WDFY3: variants seen among roughly 807,000 people sequenced by gnomAD.
WDFY3 encodes the protein WD repeat and FYVE domain-containing protein 3.
A neutral mutation model predicts 409.6 loss-of-function variants in WDFY3; 66 were observed. That is an observed-to-expected ratio of 0.16 (90% CI 0.13 to 0.20). The LOEUF (loss-of-function observed/expected upper bound fraction) is 0.20. Ranked by LOEUF, WDFY3 falls within the 10% of genes least tolerant of loss-of-function variation. The probability of loss-of-function intolerance (pLI) is 1.00; values close to 1 mark genes in which losing one functional copy is unlikely to be tolerated. For synonymous variants in WDFY3, 1,521 were observed against 1,537.1 expected, an observed-to-expected ratio of 0.99 and a Z score of 0.25; for missense variants, 3,031 against 4,298.1, an observed-to-expected ratio of 0.71 and a Z score of 8.24.
At chr4:84,851,838 A>C (rs1375507543) in intron 4 of WDFY3, among the ~76,000 whole-genome samples, 1 of 152,208 alleles carries the variant, frequency 6.6e-6, no homozygotes, top group African/African-American at 2.4e-5. Context: ...CAAAGCCCGT[A>C]AACACTGTAT....
chr4:84,756,914 G>C lies in WDFY3; in HGVS notation c.5424+12C>G. On this transcript the variant is annotated intron_variant, in intron 33 of 67. Coordinates refer to ENST00000295888, the MANE Select transcript of WDFY3 (RefSeq NM_014991.6). ...ACGTAATTTCACGCACCCCTTGCTA[G>C]ATAATTCCTACCTGGCAACCCTGCT... The C allele has an allele frequency of 6.2e-7, 1 of 1,612,088 alleles. No homozygotes were observed. The highest frequency in any genetic ancestry group is 8.5e-7 in the Non-Finnish European group (1 of 1,178,476).
At chr4:84,733,688 A>T in intron 43 of WDFY3, 79 bp from the exon 44 acceptor site, 1 of 1,355,192 alleles carries the variant, frequency 7.4e-7, no homozygotes, top group African/African-American at 1.5e-5. Context: ...CTGAAAATCA[A>T]GTTATTATTT....
chr4:84,885,747 G>A (rs1006978876), intron 3 of WDFY3, among the ~76,000 whole-genome samples: 4 of 152,190 alleles, frequency 2.6e-5, no homozygotes, highest in South Asian at 2.1e-4. Context: ...GCAACAATCA[G>A]AAAGCTGGAA....
At position 84,698,699 on chromosome 4, in the gene WDFY3, C is replaced by T. The variant is rs567100015; in HGVS notation, c.8597-1876G>A. On this transcript the variant is annotated intron_variant, in intron 56 of 67. Transcript: ENST00000295888. Reference sequence around the variant, plus strand: ...AAATCCAAGTGCTTTTTCTTTCTTTCTTTTTTTCTTTTGAGACAGAGTCTT... The same window carrying T: ...AAATCCAAGTGCTTTTTCTTTCTTTTTTTTTTTCTTTTGAGACAGAGTCTT... Among the ~76,000 whole-genome samples the T allele has an allele frequency of 1.1e-4, 16 of 151,802 alleles. No individual in the cohort carries two copies. The East Asian group carries it at 2.9e-3, about 28-fold the overall frequency.
At chr4:84,736,659 C>T (rs1279195684) in intron 41 of WDFY3, among the ~76,000 whole-genome samples, 1 of 151,926 alleles carries the variant, frequency 6.6e-6, no homozygotes, top group Non-Finnish European at 1.5e-5. Flanking sequence ...AACTTAGAAA[C>T]TATTTGGATT....
At chr4:84,782,589 CGT>C in intron 25 of WDFY3, among the ~76,000 whole-genome samples, 1 of 152,214 alleles carries the variant, frequency 6.6e-6, no homozygotes, top group East Asian at 1.9e-4. Context: ...TCCCTGTGTC[CGT>C]ATGTTCTCAT....
At chr4:84,735,596 C>T (rs1218218549) in intron 42 of WDFY3, among the ~76,000 whole-genome samples, 5 of 152,186 alleles carry the variant, frequency 3.3e-5, no homozygotes, top group Non-Finnish European at 4.4e-5. Flanking sequence ...GTATTGATCC[C>T]AAGGGCACCC....
At chr4:84,765,625 C>T (rs1028341295) in intron 32 of WDFY3, among the ~76,000 whole-genome samples, 185 bp downstream of exon 32, 8 of 152,146 alleles carry the variant, frequency 5.3e-5, no homozygotes, top group Non-Finnish European at 1.0e-4. Context: ...TTATCTCTGT[C>T]TTCAGTTTGA....
At chr4:84,964,385 C>T (rs1775337054) in intron 1 of WDFY3, among the ~76,000 whole-genome samples, 1 of 152,220 alleles carries the variant, frequency 6.6e-6, no homozygotes, top group Admixed American at 6.5e-5. Context: ...AGAAGGATCA[C>T]TCGGGCCCAG....
intron 36 of WDFY3, among the ~76,000 whole-genome samples, chr4:84,748,786 T>A (rs1387252284): frequency 6.6e-6 from 1 of 152,190 alleles, no homozygotes; most frequent in Non-Finnish European, 1.5e-5. Context: ...CTAACACTCA[T>A]AGGACTGAAG....
intron 13 of WDFY3, among the ~76,000 whole-genome samples, chr4:84,812,757 G>A (rs756549610): frequency 6.6e-6 from 1 of 152,100 alleles, no homozygotes; most frequent in Non-Finnish European, 1.5e-5. Flanking sequence ...TTTATATTAT[G>A]TACTTCTGGA....
intron 44 of WDFY3, among the ~76,000 whole-genome samples, chr4:84,727,620 C>T (rs1019685616): frequency 6.6e-6 from 1 of 152,204 alleles, no homozygotes; most frequent in Admixed American, 6.5e-5. Context: ...TGAGCTGTAG[C>T]ATGTGGCTTC....
chr4:84,696,616 G>A (rs1317182128), intron 57 of WDFY3, 116 bp downstream of exon 57: 1 of 992,814 alleles, frequency 1.0e-6, no homozygotes, highest in African/African-American at 1.6e-5. Flanking sequence ...TGTAGATAAG[G>A]GGACCTGGCT....
At chr4:84,803,159 T>C in intron 16 of WDFY3, 131 bp downstream of exon 16, 2 of 1,050,526 alleles carry the variant, frequency 1.9e-6, no homozygotes, top group East Asian at 5.9e-5. Flanking sequence ...AAAAATCCTT[T>C]TTTTTCCCCT....
chr4:84,709,255 C>G, intron 52 of WDFY3, 38 bp downstream of exon 52: 1 of 1,571,406 alleles, frequency 6.4e-7, no homozygotes, highest in Non-Finnish European at 8.6e-7. Flanking sequence ...ACTCTAATTA[C>G]GAACTTCTAA....
At chr4:84,784,887 TATATAC>T (rs1435722846) in intron 24 of WDFY3, among the ~76,000 whole-genome samples, 12,957 of 61,150 alleles carry the variant, frequency 0.21, 604 homozygotes, top group Non-Finnish European at 0.27. Flanking sequence ...TATATATATA[TATATAC>T]ACACACACAC....
At chr4:84,867,295 A>G (rs1261312143) in intron 3 of WDFY3, among the ~76,000 whole-genome samples, 1 of 152,230 alleles carries the variant, frequency 6.6e-6, no homozygotes, top group Non-Finnish European at 1.5e-5. Flanking sequence ...AAATGACACA[A>G]AAAATTAAGG....
intron 3 of WDFY3, among the ~76,000 whole-genome samples, chr4:84,871,928 C>G (rs1762184275): frequency 1.3e-5 from 2 of 152,218 alleles, no homozygotes; most frequent in African/African-American, 4.8e-5. Flanking sequence ...GCCATCATGC[C>G]TAGCTTTTAA....
At chr4:84,789,929 A>T (rs1451059490) in intron 21 of WDFY3, 22 bp from the exon 22 acceptor site, 1 of 1,612,406 alleles carries the variant, frequency 6.2e-7, no homozygotes, top group South Asian at 1.1e-5. Flanking sequence ...GGGGGAAGAC[A>T]TAAAAACTTT....
Sources: allele counts gnomAD v4.1 joint callset (sites outside exome capture counted in the v4.1 genomes callset), GRCh38; gene constraint gnomAD v4.1.1; transcripts MANE v1.5; gene names NCBI Gene and HGNC (gene_info 2026-07-23, HGNC 2026-07-21).